Variants in CELF2 observed in about 807,000 individuals in gnomAD.
The protein encoded by CELF2 is CUG triplet repeat RNA-binding protein 2.
CELF2 carries 8 observed loss-of-function variants against 62.6 expected under a neutral mutation model. The observed-to-expected ratio is 0.13, with a 90% CI of 0.07 to 0.23. CELF2 has a LOEUF of 0.23. Among genes scored for constraint, CELF2 ranks in the 10% least tolerant of loss-of-function variants. The pLI is 1.00. For missense variants in CELF2, 333 were observed against 671.0 expected (o/e 0.50, Z 5.56); for synonymous variants, 258 against 250.0 (o/e 1.03, Z -0.30).
Position 11,285,859 on chromosome 10 carries a change from G to C in CELF2, c.842-2559G>C, listed in dbSNP as rs983922621. 2.7e-4 allele frequency among the ~76,000 whole-genome samples: 38 copies of C among 140,612 alleles called. No homozygotes were observed. The highest frequency in any genetic ancestry group is 1.1e-3 in the African/African-American group (36 of 33,410). The allele number at this position is 140,612 out of a possible 152,430, so 92.2% of individuals were successfully genotyped here. On this transcript the variant is annotated intron_variant, in intron 8 of 12. Transcript: ENST00000633077. The surrounding 1 kb of genome is among the most constrained non-coding windows in gnomAD (Gnocchi z 4.3). ...TGTGTGTGTGTGTGTGTGTGTGTGT[G>C]TGTGTGTGTGTGTGTGTGTTTTTAC...
chr10:11,124,743 C>CA (rs2058377393), intron 1 of CELF2, among the ~76,000 whole-genome samples: 1 of 152,216 alleles, frequency 6.6e-6, no homozygotes, highest in Non-Finnish European at 1.5e-5. Context: ...ATGGAGCTTA[C>CA]AGTCTATTAT....
At position 10,802,205 on chromosome 10, in the gene CELF2, G is replaced by A. The variant is rs149765002; in HGVS notation, c.53+3388G>A. Among the ~76,000 whole-genome samples the A allele has an allele frequency of 3.4e-4, 52 of 152,322 alleles. 1 individual carries two copies. The East Asian group carries it at 9.6e-3, about 28-fold the overall frequency. On this transcript the variant is annotated intron_variant, in intron 1 of 13. Transcript: ENST00000636488. ...AGAATAAAATAGGCTGGGCACAGTG[G>A]CTGACACCTTAATCCCAGCACTTTG... is the stretch of plus-strand genomic sequence containing the variant.
chr10:11,083,939 A>G (rs2074715494), intron 1 of CELF2, among the ~76,000 whole-genome samples: 1 of 152,174 alleles, frequency 6.6e-6, no homozygotes, highest in South Asian at 2.1e-4. Context: ...CTCAGCAACC[A>G]CAGCATGGAC....
At position 11,217,541 on chromosome 10, in the gene CELF2, T is replaced by C; in HGVS notation, c.354+34T>C. 2 of 1,480,740 alleles carry C rather than the reference T, an allele frequency of 1.4e-6. No individual in the cohort carries two copies. The highest frequency in any genetic ancestry group is 1.4e-5 in the African/African-American group (1 of 71,592). 91.7% of individuals were successfully genotyped at this position (1,480,740 alleles called of 1,614,324 possible). A position where few individuals can be genotyped will look rare whatever the true frequency, so the allele number is the denominator to read the frequency against. On this transcript the variant is annotated intron_variant, in intron 3 of 12. Transcript: ENST00000633077. This position sits in a 1 kb window ranked among gnomAD's most constrained non-coding sequence, Gnocchi z 5.6. ...GTTTACTTTTGTACCAGAATCACTT[T>C]ATTGCTTGAAAATGGTCCTTTCAAC... is the stretch of plus-strand genomic sequence containing the variant.
At chr10:10,808,489 G>A (rs2055478433) in intron 1 of CELF2, among the ~76,000 whole-genome samples, 1 of 152,070 alleles carries the variant, frequency 6.6e-6, no homozygotes, top group African/African-American at 2.4e-5. Context: ...GTATCATGAA[G>A]GCTTCATTTG....
chr10:10,500,774 A>C, the CELF2 span, among the ~76,000 whole-genome samples: 1 of 152,166 alleles, frequency 6.6e-6, no homozygotes, highest in Non-Finnish European at 1.5e-5. Flanking sequence ...CTTGCCTTTT[A>C]TTATCCTACC....
chr10:10,812,885 C>T (rs867150783), intron 1 of CELF2, among the ~76,000 whole-genome samples: 15 of 152,272 alleles, frequency 9.9e-5, no homozygotes, highest in South Asian at 4.1e-4. Context: ...TCAGGCACTG[C>T]GTTTATCTGA....
the CELF2 span, among the ~76,000 whole-genome samples, chr10:10,658,375 A>G: frequency 6.6e-6 from 1 of 152,180 alleles, no homozygotes; most frequent in South Asian, 2.1e-4. Context: ...ATTACCTTAC[A>G]TTTCATATCT....
the CELF2 span, among the ~76,000 whole-genome samples, chr10:10,559,399 A>G: frequency 0.14 from 20,691 of 152,230 alleles, 1,558 homozygotes; most frequent in East Asian, 0.23. Context: ...CATTAGTTAA[A>G]CATCCCACAG....
the CELF2 span, among the ~76,000 whole-genome samples, chr10:10,757,947 G>A: frequency 2.0e-5 from 3 of 152,280 alleles, no homozygotes; most frequent in South Asian, 2.1e-4. Context: ...TTTGAGCCCC[G>A]GGACCTTCTC....
At chr10:10,781,527 C>T in the CELF2 span, among the ~76,000 whole-genome samples, 1 of 152,148 alleles carries the variant, frequency 6.6e-6, no homozygotes, top group Non-Finnish European at 1.5e-5. Context: ...GGGAACTGCC[C>T]TTTATAAGAC....
chr10:11,304,410 A>G (rs1565885263), intron 9 of CELF2, among the ~76,000 whole-genome samples: 1 of 152,228 alleles, frequency 6.6e-6, no homozygotes, highest in Non-Finnish European at 1.5e-5. Context: ...TCTGTGGCTT[A>G]TAACAGAGTA....
chr10:11,286,058 A>T (rs987966771), intron 8 of CELF2, among the ~76,000 whole-genome samples: 3 of 152,228 alleles, frequency 2.0e-5, no homozygotes, highest in African/African-American at 7.2e-5. Context: ...CGTGTGCATT[A>T]AATGTAAACC....
the CELF2 span, among the ~76,000 whole-genome samples, chr10:10,491,609 A>T: frequency 6.6e-6 from 1 of 152,294 alleles, no homozygotes; most frequent in East Asian, 1.9e-4. Context: ...TACTTTCATG[A>T]TGGAGCATTC....
chr10:10,949,885 G>A (rs890850155), intron 2 of CELF2, among the ~76,000 whole-genome samples: 2 of 150,260 alleles, frequency 1.3e-5, no homozygotes, highest in African/African-American at 4.9e-5. Flanking sequence ...ACATGACTTG[G>A]ATCAGTTTTG....
chr10:11,265,668 G>A (rs893957247), intron 5 of CELF2, among the ~76,000 whole-genome samples: 3 of 152,252 alleles, frequency 2.0e-5, no homozygotes, highest in Admixed American at 1.3e-4. Context: ...GAGCCATGTA[G>A]TTGGAGCAGT....
At chr10:10,981,950 C>CTTTTTTTT (rs34134637) in intron 2 of CELF2, among the ~76,000 whole-genome samples, 6 of 125,356 alleles carry the variant, frequency 4.8e-5, no homozygotes, top group African/African-American at 6.3e-5. Flanking sequence ...CTTCCTTTTC[C>CTTTTTTTT]TTTTTTTTTT....
chr10:11,213,987 T>C (rs2062622646), intron 2 of CELF2, among the ~76,000 whole-genome samples: 1 of 152,216 alleles, frequency 6.6e-6, no homozygotes, highest in Non-Finnish European at 1.5e-5. Context: ...TGCTTTTTAC[T>C]TACTGATGAG....
intron 1 of CELF2, among the ~76,000 whole-genome samples, chr10:10,825,944 T>C (rs1350829023): frequency 6.6e-6 from 1 of 152,176 alleles, no homozygotes; most frequent in African/African-American, 2.4e-5. Context: ...ACAATAATAT[T>C]ATCTATATCC....
Sources: allele counts gnomAD v4.1 joint callset (sites outside exome capture counted in the v4.1 genomes callset), GRCh38; gene constraint gnomAD v4.1.1; non-coding constraint Gnocchi (gnomAD v3.1); transcripts MANE v1.5; gene names NCBI Gene and HGNC (gene_info 2026-07-23, HGNC 2026-07-21).